ADAMTSL1: variants seen among roughly 807,000 people sequenced by gnomAD.
ADAMTSL1 encodes ADAMTS-like protein 1.
In ADAMTSL1, 126 loss-of-function variants were observed where a neutral mutation model predicts 201.8. The observed-to-expected ratio is 0.62, with a 90% CI of 0.54 to 0.72. The LOEUF (loss-of-function observed/expected upper bound fraction) is 0.72. ADAMTSL1 is among the 30% of genes least tolerant of loss of function. ADAMTSL1 has a pLI of 0.00. For missense variants in ADAMTSL1, 2,679 were observed against 2,277.8 expected, an observed-to-expected ratio of 1.18 and a Z score of -3.59; for synonymous variants, 1,121 against 903.4, an observed-to-expected ratio of 1.24 and a Z score of -4.32.
At chr9:18,802,505 A>G (rs927138048) in intron 20 of ADAMTSL1, among the ~76,000 whole-genome samples, 1 of 152,192 alleles carries the variant, frequency 6.6e-6, no homozygotes, top group Non-Finnish European at 1.5e-5. Context: ...TTCACTTAGC[A>G]TAAAGTTTTC....
Position 18,019,516 on chromosome 9 carries a change from T to C in ADAMTSL1, c.87+112594T>C, listed in dbSNP as rs548396584. 2.0e-5 allele frequency among the ~76,000 whole-genome samples: 3 copies of C among 152,142 alleles called. No homozygotes were observed. In the South Asian group the frequency reaches 6.2e-4, roughly 32 times the overall value. ...GTCACACAGAAAGGTGTTTAAAAGA[T>C]TGAAGGTATACCTCACACATTCTCT... On this transcript the variant is annotated intron_variant, in intron 1 of 29. Coordinates refer to the ADAMTSL1 transcript ENST00000680146.
At chr9:18,122,112 G>C (rs557466028) in intron 1 of ADAMTSL1, among the ~76,000 whole-genome samples, 1 of 152,208 alleles carries the variant, frequency 6.6e-6, no homozygotes, top group East Asian at 1.9e-4. Context: ...GTTAAACTTG[G>C]AGTTTGACAT....
chr9:18,504,234 A>G (rs1284037532), intron 1 of ADAMTSL1, among the ~76,000 whole-genome samples: 1 of 152,240 alleles, frequency 6.6e-6, no homozygotes, highest in Non-Finnish European at 1.5e-5. Context: ...GTATTCTTAC[A>G]GTATATGGAA....
chr9:18,470,685 C>A (rs1821172787), upstream of ADAMTSL1, among the ~76,000 whole-genome samples: 1 of 152,180 alleles, frequency 6.6e-6, no homozygotes, highest in African/African-American at 2.4e-5. Flanking sequence ...GAATTCTCCC[C>A]AGGGAGAGAA....
At chr9:17,990,419 G>A (rs972251792) in intron 1 of ADAMTSL1, among the ~76,000 whole-genome samples, 1 of 151,864 alleles carries the variant, frequency 6.6e-6, no homozygotes, top group Non-Finnish European at 1.5e-5. Flanking sequence ...TCAGTTTGTT[G>A]CCACAAAATA....
chr9:18,186,888 T>A (rs950649933), intron 2 of ADAMTSL1, among the ~76,000 whole-genome samples: 4 of 151,452 alleles, frequency 2.6e-5, no homozygotes, highest in Admixed American at 6.6e-5. Flanking sequence ...AACGTGAACA[T>A]ATATATTATT....
chr9:18,772,154 A>G (rs2133725904), intron 17 of ADAMTSL1, among the ~76,000 whole-genome samples: 1 of 152,336 alleles, frequency 6.6e-6, no homozygotes, highest in East Asian at 1.9e-4. Context: ...GGGGTATGGC[A>G]TTTGAAGAAC....
intron 2 of ADAMTSL1, among the ~76,000 whole-genome samples, chr9:18,326,614 G>C (rs564973532): frequency 4.6e-5 from 7 of 152,254 alleles, no homozygotes; most frequent in African/African-American, 1.4e-4. Flanking sequence ...ATCAAAAATT[G>C]ATTTAGAAAC....
At chr9:18,070,616 T>A (rs1309488623) in intron 1 of ADAMTSL1, among the ~76,000 whole-genome samples, 1 of 152,124 alleles carries the variant, frequency 6.6e-6, no homozygotes, top group Non-Finnish European at 1.5e-5. Context: ...AAGCTTGAAC[T>A]AAATGGCCCA....
At chr9:18,548,160 T>G (rs557680383) in intron 3 of ADAMTSL1, among the ~76,000 whole-genome samples, 2 of 152,024 alleles carry the variant, frequency 1.3e-5, no homozygotes, top group Non-Finnish European at 2.9e-5. Context: ...TCAACACTTA[T>G]GGCACATTTG....
At chr9:18,675,141 A>C (rs1022032360) in intron 9 of ADAMTSL1, among the ~76,000 whole-genome samples, 4 of 152,200 alleles carry the variant, frequency 2.6e-5, no homozygotes, top group Non-Finnish European at 5.9e-5. Context: ...TGACAATCAC[A>C]ACCATCACTG....
At chr9:18,277,999 G>T (rs1832649557) in intron 2 of ADAMTSL1, among the ~76,000 whole-genome samples, 1 of 151,936 alleles carries the variant, frequency 6.6e-6, no homozygotes, top group Non-Finnish European at 1.5e-5. Flanking sequence ...TCTTACAATA[G>T]TCTATGTTGA....
intron 2 of ADAMTSL1, among the ~76,000 whole-genome samples, chr9:18,270,335 G>A (rs980296128): frequency 6.6e-6 from 1 of 152,062 alleles, no homozygotes. Flanking sequence ...GAGAGGGTTA[G>A]TATTTCAGCA....
At chr9:18,379,757 A>G (rs1294427550) in intron 2 of ADAMTSL1, among the ~76,000 whole-genome samples, 2 of 152,220 alleles carry the variant, frequency 1.3e-5, no homozygotes, top group Non-Finnish European at 1.5e-5. Context: ...GAAAAAACAT[A>G]AACTATGTCA....
At chr9:18,417,274 A>G (rs957656487) in intron 2 of ADAMTSL1, among the ~76,000 whole-genome samples, 1 of 151,422 alleles carries the variant, frequency 6.6e-6, no homozygotes, top group African/African-American at 2.4e-5. Context: ...AATTTCTGTT[A>G]GTAAAGAAAA....
intron 23 of ADAMTSL1, among the ~76,000 whole-genome samples, chr9:18,855,954 G>A (rs984905102): frequency 2.0e-5 from 3 of 152,156 alleles, no homozygotes; most frequent in Admixed American, 1.3e-4. Context: ...AAATGACCAT[G>A]GCACTCTTAC....
intron 2 of ADAMTSL1, among the ~76,000 whole-genome samples, chr9:18,254,633 G>A (rs376866660): frequency 3.0e-4 from 45 of 151,584 alleles, no homozygotes; most frequent in Admixed American, 7.2e-4. Context: ...AAAGTGCTGG[G>A]ATTACAGGCG....
At chr9:18,293,255 A>G (rs748202245) in intron 2 of ADAMTSL1, among the ~76,000 whole-genome samples, 5 of 152,202 alleles carry the variant, frequency 3.3e-5, no homozygotes, top group Non-Finnish European at 5.9e-5. Context: ...TGGTACAACA[A>G]TTTGTTTTCT....
chr9:18,262,938 CA>C (rs1255249333), intron 2 of ADAMTSL1, among the ~76,000 whole-genome samples: 2 of 152,232 alleles, frequency 1.3e-5, no homozygotes, highest in East Asian at 3.9e-4. Flanking sequence ...ATATAAGTAA[CA>C]TAAACATCTG....
Sources: gnomAD v4.1 joint callset for allele counts (sites outside exome capture counted in the v4.1 genomes callset) on GRCh38, gnomAD v4.1.1 for gene constraint, MANE v1.5 for transcripts, NCBI Gene and HGNC (gene_info 2026-07-23, HGNC 2026-07-21) for gene names.